The following MECOM variants were observed in gnomAD, a reference collection of about 807,000 sequenced individuals.
MECOM encodes histone-lysine N-methyltransferase MECOM.
A neutral mutation model predicts 116.3 loss-of-function variants in MECOM; 13 were observed. That is an observed-to-expected ratio of 0.11 (90% CI 0.07 to 0.18). The LOEUF is 0.18. Ranked by LOEUF, MECOM falls within the 10% of genes least tolerant of loss-of-function variation. The probability of loss-of-function intolerance (pLI) is 1.00; values close to 1 mark genes in which losing one functional copy is unlikely to be tolerated. For synonymous variants in MECOM, 528 were observed against 535.2 expected, an observed-to-expected ratio of 0.99 and a Z score of 0.19; for missense variants, 1,299 against 1,509.0, an observed-to-expected ratio of 0.86 and a Z score of 2.31.
intron 1 of MECOM, among the ~76,000 whole-genome samples, chr3:169,632,516 C>T (rs1193453163): frequency 6.6e-6 from 1 of 152,184 alleles, no homozygotes; most frequent in Non-Finnish European, 1.5e-5. Context: ...ACTTACCGCT[C>T]TATTTTACAC....
chr3:169,223,499 T>C (rs1020612428), intron 2 of MECOM, among the ~76,000 whole-genome samples: 2 of 151,858 alleles, frequency 1.3e-5, no homozygotes, highest in African/African-American at 4.8e-5. Flanking sequence ...TATTTCAAAG[T>C]CCTATATTTT....
intron 1 of MECOM, among the ~76,000 whole-genome samples, chr3:169,404,386 A>G (rs746540068): frequency 3.3e-5 from 5 of 152,200 alleles, no homozygotes; most frequent in Non-Finnish European, 7.3e-5. Flanking sequence ...AGGCCAAACA[A>G]CAAAACAATC....
intron 1 of MECOM, among the ~76,000 whole-genome samples, chr3:169,614,337 G>A (rs1022110440): frequency 6.6e-5 from 10 of 151,318 alleles, no homozygotes; most frequent in African/African-American, 2.4e-4. Context: ...CTCTAGTGAA[G>A]ATCTTTCTCC....
At chr3:169,230,985 G>A (rs200759356) in intron 2 of MECOM, among the ~76,000 whole-genome samples, 9 of 152,002 alleles carry the variant, frequency 5.9e-5, no homozygotes, top group Middle Eastern at 6.8e-3. Context: ...ATTCATAGAC[G>A]TTTGTTTAAA....
chr3:169,147,386 C>G lies in MECOM; in HGVS notation c.376-3554G>C, dbSNP rs565316872. 2,122 of 985,492 alleles carry G rather than the reference C, an allele frequency of 2.2e-3. 3 individuals carry two copies. Among genetic ancestry groups the G allele is most frequent in the Admixed American group, 4.6e-3 (75 of 16,290 alleles). 61.0% of individuals were successfully genotyped at this position (985,492 alleles called of 1,614,324 possible). On this transcript the variant is annotated intron_variant, in intron 2 of 16. Coordinates refer to ENST00000651503, the MANE Select transcript of MECOM (RefSeq NM_004991.4). Reference sequence around the variant, plus strand: ...GCCGGGTTTCTATTTCATGAACTGTCTCTTTAAAGAGGATCTGCTCGGCCA... The same window carrying G: ...GCCGGGTTTCTATTTCATGAACTGTGTCTTTAAAGAGGATCTGCTCGGCCA...
Position 169,398,127 on chromosome 3 carries a change from T to C in MECOM, c.38-16603A>G, listed in dbSNP as rs537340609. 3.5e-4 allele frequency among the ~76,000 whole-genome samples: 54 copies of C among 152,336 alleles called. 1 individual carries two copies. The highest frequency in any genetic ancestry group is 1.2e-3 in the African/African-American group (50 of 41,570). ...TACATTGTAGAAGTAGTTAAATACA[T>C]GTGGAAACATGGCAGGCTATTGTTT... On this transcript the variant is annotated intron_variant, in intron 1 of 16. Transcript: ENST00000651503.
chr3:169,493,454 C>T (rs1451793438), intron 1 of MECOM, among the ~76,000 whole-genome samples: 1 of 152,156 alleles, frequency 6.6e-6, no homozygotes, highest in Non-Finnish European at 1.5e-5. Flanking sequence ...CTTCACTTTG[C>T]AGTTCCCTTA....
intron 1 of MECOM, among the ~76,000 whole-genome samples, chr3:169,495,102 C>T (rs1277093695): frequency 1.3e-5 from 2 of 152,308 alleles, no homozygotes; most frequent in African/African-American, 4.8e-5. Flanking sequence ...CTTCTCAATA[C>T]CGGTAATCCT....
chr3:169,634,902 T>A (rs757015761), intron 1 of MECOM, among the ~76,000 whole-genome samples: 1 of 152,018 alleles, frequency 6.6e-6, no homozygotes, highest in Admixed American at 6.6e-5. Context: ...CTTAATCACT[T>A]TTTTAAATCA....
chr3:169,357,503 A>G lies in MECOM; in HGVS notation c.375+23684T>C, dbSNP rs116385149. Among the ~76,000 whole-genome samples, 1,408 of 151,908 alleles carry G rather than the reference A, an allele frequency of 9.3e-3. 24 individuals carry two copies. Among genetic ancestry groups the G allele is most frequent in the African/African-American group, 0.033 (1,354 of 41,512 alleles). ...GAGAGAAAATAATATTAAAATTAAG[A>G]GGCAATTTTTTTTCTGGACCTCAGA... On this transcript the variant is annotated intron_variant, in intron 2 of 16. Transcript: ENST00000651503.
intron 1 of MECOM, among the ~76,000 whole-genome samples, chr3:169,494,918 A>T (rs940507139): frequency 6.6e-6 from 1 of 152,248 alleles, no homozygotes; most frequent in African/African-American, 2.4e-5. Flanking sequence ...AAGAGAGTCA[A>T]TAAATGACAC....
intron 2 of MECOM, among the ~76,000 whole-genome samples, chr3:169,176,976 G>A (rs749302258): frequency 7.9e-5 from 12 of 152,168 alleles, no homozygotes; most frequent in Non-Finnish European, 1.8e-4. Context: ...ATAGATGCTG[G>A]TGAGGCTGTG....
chr3:169,612,851 C>T (rs777851823), intron 1 of MECOM, among the ~76,000 whole-genome samples: 80 of 152,220 alleles, frequency 5.3e-4, no homozygotes, highest in Non-Finnish European at 1.8e-4. Flanking sequence ...GATTTCCCCA[C>T]AAGAGAAAGG....
At chr3:169,282,702 T>G (rs1182070319) in intron 2 of MECOM, among the ~76,000 whole-genome samples, 2 of 152,158 alleles carry the variant, frequency 1.3e-5, no homozygotes, top group Non-Finnish European at 2.9e-5. Context: ...AGAGCTGTAG[T>G]CCTCAAGCAT....
At chr3:169,410,444 T>A (rs1380881451) in intron 1 of MECOM, among the ~76,000 whole-genome samples, 1 of 152,220 alleles carries the variant, frequency 6.6e-6, no homozygotes, top group Non-Finnish European at 1.5e-5. Context: ...CTGTCTTCAC[T>A]TATTGTGTCC....
intron 2 of MECOM, among the ~76,000 whole-genome samples, chr3:169,168,337 C>CTT (rs1166736467): frequency 1.8e-4 from 19 of 108,458 alleles, no homozygotes; most frequent in African/African-American, 5.7e-4. Flanking sequence ...ACTTGGCCTG[C>CTT]TTTTTTTTTT....
In MECOM at chr3:169,115,530, C is replaced by T. The variant is rs200315542; in HGVS notation, c.2342G>A (p.Ser781Asn). 2.7e-5 allele frequency: 44 copies of T among 1,614,104 alleles called. No individual in the cohort carries two copies. The East Asian group carries it at 7.8e-4, about 29-fold the overall frequency. Residue 781 changes from serine to asparagine, a missense_variant, in exon 8 of 17, where the codon AGT becomes AAT. By Grantham distance (46) the Ser-to-Asn change is conservative. Coordinates refer to ENST00000651503, the MANE Select transcript of MECOM (RefSeq NM_004991.4). Reference sequence around the variant, plus strand: ...AGTCAGCTTTGTCCCACTGGCTCTACTCCTACTGCCCATACTTAGATCCAG... The same window carrying T: ...AGTCAGCTTTGTCCCACTGGCTCTATTCCTACTGCCCATACTTAGATCCAG... Reference protein sequence around the residue: ...QPLDLSMGSRSRASGTKLTEP... With the variant: ...QPLDLSMGSRNRASGTKLTEP...
rs537651166 is a variant in MECOM at position 169,298,189 on chromosome 3, GC to G, written c.375+82997del. 2.6e-5 allele frequency among the ~76,000 whole-genome samples: 4 copies of G among 152,220 alleles called. No individual in the cohort carries two copies. In the South Asian group the frequency reaches 8.3e-4, roughly 32 times the overall value. On this transcript the variant is annotated intron_variant, in intron 2 of 16. Coordinates refer to ENST00000651503, the MANE Select transcript of MECOM (RefSeq NM_004991.4). ...TGTCTTTTATTTACGGAGTGGATTAGCTTTATGGTATCTGTATTTATATGCC... is the reference window on the plus strand; with the variant it reads ...TGTCTTTTATTTACGGAGTGGATTAGTTTATGGTATCTGTATTTATATGCC...
intron 12 of MECOM, among the ~76,000 whole-genome samples, chr3:169,097,920 G>A (rs570911337): frequency 3.4e-5 from 5 of 148,888 alleles, no homozygotes; most frequent in African/African-American, 1.2e-4. Flanking sequence ...TAGGGACCAT[G>A]TTTAACTTTT....
Sources: gnomAD v4.1 joint callset for allele counts (sites outside exome capture counted in the v4.1 genomes callset) on GRCh38, gnomAD v4.1.1 for gene constraint, MANE v1.5 for transcripts, NCBI Gene and HGNC (gene_info 2026-07-23, HGNC 2026-07-21) for gene names.